Variants in C6 observed in about 807,000 individuals in gnomAD.
C6 encodes the protein complement component C6.
A neutral mutation model predicts 112.9 loss-of-function variants in C6; 101 were observed. The ratio of observed to expected loss-of-function variants is 0.89; its 90% confidence interval spans 0.76 to 1.06. C6 has a LOEUF of 1.06. C6 is among the 50% of genes least tolerant of loss of function. C6 has a pLI of 0.00. For synonymous variants in C6, 431 were observed against 384.1 expected (o/e 1.12, Z -1.43); for missense variants, 1,202 against 1,104.6 (o/e 1.09, Z -1.25).
chr5:41,228,938 G>A (rs1252853372), intron 1 of C6, among the ~76,000 whole-genome samples: 1 of 152,024 alleles, frequency 6.6e-6, no homozygotes, highest in Non-Finnish European at 1.5e-5. Flanking sequence ...TTGTGTCTTT[G>A]TCTGATTTTG....
chr5:41,158,548 ATT>A, intron 13 of C6, 124 bp downstream of exon 13: 1 of 703,338 alleles, frequency 1.4e-6, no homozygotes, highest in Non-Finnish European at 2.6e-6. Context: ...TCTAAATATT[ATT>A]TTGTACTTTT....
chr5:41,155,171 A>G (rs1746779328), intron 13 of C6, 67 bp from the exon 14 acceptor site: 1 of 1,430,744 alleles, frequency 7.0e-7, no homozygotes, highest in Non-Finnish European at 9.8e-7. Flanking sequence ...CTTTAGTCTC[A>G]CACTGATCCT....
At chr5:41,211,021 A>G (rs1310072685) in intron 1 of C6, among the ~76,000 whole-genome samples, 6 of 152,350 alleles carry the variant, frequency 3.9e-5, no homozygotes, top group African/African-American at 1.4e-4. Flanking sequence ...GATTAAGAAA[A>G]TGTGGCACAT....
chr5:41,254,532 A>T (rs1018914684), intron 1 of C6, among the ~76,000 whole-genome samples: 1 of 152,224 alleles, frequency 6.6e-6, no homozygotes, highest in Non-Finnish European at 1.5e-5. Flanking sequence ...TATTACTTAT[A>T]GATTATATCA....
At chr5:41,149,533 A>G in intron 16 of C6, 51 bp from the exon 17 acceptor site, 1 of 1,609,226 alleles carries the variant, frequency 6.2e-7, no homozygotes. Flanking sequence ...AGAAAAAAAC[A>G]GGGGGCACGT....
intron 1 of C6, among the ~76,000 whole-genome samples, chr5:41,205,125 C>A (rs1021152203): frequency 2.6e-5 from 4 of 152,162 alleles, no homozygotes; most frequent in Non-Finnish European, 5.9e-5. Context: ...GCCTTTATCA[C>A]TGTCTGGGAG....
rs1303724423 is a variant in C6, at chr5:41,160,367, G to A, written c.1459C>T (p.Leu487Phe). The A allele has an allele frequency of 1.9e-6, 3 of 1,612,564 alleles. No individual in the cohort carries two copies. The highest frequency in any genetic ancestry group is 1.7e-5 in the Admixed American group (1 of 59,956). Residue 487 changes from leucine to phenylalanine, a missense_variant and splice_region_variant, in exon 11 of 18, where the codon CTT (leucine) becomes TTT (phenylalanine). Transcript: ENST00000337836. ...KENPAVIDFE[L>F]APIVDLVRNI... ...CTTACCAAGTCCACGATGGGGGCAA[G>A]CTAGGAGAAAATGGGAGAGAGGAGG...
intron 7 of C6, among the ~76,000 whole-genome samples, chr5:41,180,768 G>C (rs1715069006): frequency 6.6e-6 from 1 of 151,440 alleles, no homozygotes; most frequent in African/African-American, 2.4e-5. Flanking sequence ...TCAGGGAAAA[G>C]GCAGGCAATG....
intron 15 of C6, chr5:41,153,171 A>G (rs1413348132): frequency 2.6e-5 from 4 of 152,120 alleles, no homozygotes; most frequent in African/African-American, 9.7e-5. Context: ...TTTATTTATG[A>G]TTGTCTTTCT....
intron 9 of C6, among the ~76,000 whole-genome samples, chr5:41,166,062 T>A (rs1169250997): frequency 1.3e-5 from 2 of 152,082 alleles, no homozygotes; most frequent in Non-Finnish European, 2.9e-5. Flanking sequence ...GTATATCAGC[T>A]TCTTAAAAAA....
At chr5:41,217,404 A>T (rs1034093296), upstream of C6, among the ~76,000 whole-genome samples, 7 of 152,126 alleles carry the variant, frequency 4.6e-5, no homozygotes, top group African/African-American at 1.7e-4. Flanking sequence ...AGTTAAATCA[A>T]TGTTGATTGA....
intron 1 of C6, among the ~76,000 whole-genome samples, chr5:41,238,579 G>T (rs368082621): frequency 6.6e-6 from 1 of 152,160 alleles, no homozygotes; most frequent in Non-Finnish European, 1.5e-5. Context: ...AGAGACAAAG[G>T]GTTCAGGAAG....
chr5:41,212,021 T>A (rs917423932), intron 1 of C6, among the ~76,000 whole-genome samples: 4 of 152,186 alleles, frequency 2.6e-5, no homozygotes, highest in Admixed American at 6.5e-5. Flanking sequence ...TCTGAGGCAA[T>A]ATGGAGCCTG....
At chr5:41,203,587 A>T in intron 1 of C6, 1 of 274,208 alleles carries the variant, frequency 3.6e-6, no homozygotes, top group South Asian at 3.9e-5. Flanking sequence ...CCCTTCTCAA[A>T]ACACCTGCTC....
At chr5:41,247,056 T>C (rs1026534822) in intron 1 of C6, among the ~76,000 whole-genome samples, 85 of 152,328 alleles carry the variant, frequency 5.6e-4, no homozygotes, top group African/African-American at 2.0e-3. Context: ...TGAGAAAACC[T>C]GTCTTTCCTT....
In C6 at chr5:41,197,230, C is replaced by T. The variant is rs373525712; in HGVS notation, c.446-1297G>A. ...TAATTAAAATAATTACATTTTCCAT[C>T]TTGCATTATGTCAGGACTATTATTA... On this transcript the variant is annotated intron_variant, in intron 4 of 17. Transcript: ENST00000337836. Among the ~76,000 whole-genome samples, 22 of 152,180 alleles carry T rather than the reference C, an allele frequency of 1.4e-4. No individual in the cohort carries two copies. In the East Asian group the frequency reaches 3.7e-3, roughly 25 times the overall value.
At chr5:41,155,231 C>T (rs2150248459) in intron 13 of C6, 127 bp from the exon 14 acceptor site, 1 of 836,822 alleles carries the variant, frequency 1.2e-6, no homozygotes. Flanking sequence ...CTCTCAATTT[C>T]TACTTCTAAA....
chr5:41,153,756 CA>C (rs1269448234), intron 15 of C6, 53 bp downstream of exon 15: 52 of 1,323,178 alleles, frequency 3.9e-5, no homozygotes, highest in Non-Finnish European at 5.7e-5. Flanking sequence ...GCTATACTAC[CA>C]ATCTCAGGGT....
At chr5:41,210,252 A>G (rs2150388668) in intron 1 of C6, among the ~76,000 whole-genome samples, 1 of 152,328 alleles carries the variant, frequency 6.6e-6, no homozygotes, top group African/African-American at 2.4e-5. Context: ...TAGACCTAAA[A>G]CCATAAAAAC....
Sources: gnomAD v4.1 joint callset for allele counts (sites outside exome capture counted in the v4.1 genomes callset) on GRCh38, gnomAD v4.1.1 for gene constraint, MANE v1.5 for transcripts, NCBI Gene and HGNC (gene_info 2026-07-23, HGNC 2026-07-21) for gene names.